RAD51B: variants seen among roughly 807,000 people sequenced by gnomAD.
RAD51B encodes DNA repair protein RAD51 homolog 2.
RAD51B carries 38 observed loss-of-function variants against 42.2 expected under a neutral mutation model. That is an observed-to-expected ratio of 0.90 (90% confidence interval 0.70 to 1.18). RAD51B has a LOEUF of 1.18. RAD51B is among the 50% of genes most tolerant of loss of function. The probability of loss-of-function intolerance (pLI) is 0.00; values close to 1 mark genes in which losing one functional copy is unlikely to be tolerated. For synonymous variants in RAD51B, 154 were observed against 145.2 expected (o/e 1.06, Z -0.43); for missense variants, 373 against 400.7 (o/e 0.93, Z 0.59).
chr14:67,863,002 G>C (rs188761730), intron 4 of RAD51B, among the ~76,000 whole-genome samples: 15 of 152,066 alleles, frequency 9.9e-5, no homozygotes, highest in African/African-American at 3.6e-4. Context: ...TGGTTTGTTG[G>C]GGTATGTGGT....
rs1408254518 is a variant in RAD51B at position 68,287,071 on chromosome 14, C to G, written c.757-4813C>G. The stretch of plus-strand genomic sequence containing the variant: ...TGACCAAAATGACATTGATTCCCAG[C>G]CTTCTGCCTTAGCAGTTCATCCCAT... On this transcript the variant is annotated intron_variant, in intron 7 of 10. Coordinates refer to ENST00000471583, the MANE Select transcript of RAD51B (RefSeq NM_133510.4). Among the ~76,000 whole-genome samples the G allele has an allele frequency of 2.6e-5, 4 of 152,188 alleles. No homozygotes were observed. The East Asian group carries it at 5.8e-4, about 22-fold the overall frequency.
intron 7 of RAD51B, among the ~76,000 whole-genome samples, chr14:68,221,121 C>T (rs1043340819): frequency 1.1e-4 from 17 of 152,122 alleles, no homozygotes; most frequent in African/African-American, 3.6e-4. Context: ...ACCATACTGC[C>T]AAAAGCCCTC....
At chr14:68,192,423 A>G (rs1031868647) in intron 7 of RAD51B, among the ~76,000 whole-genome samples, 6 of 152,150 alleles carry the variant, frequency 3.9e-5, no homozygotes, top group Non-Finnish European at 7.4e-5. Context: ...CTGAAAACAG[A>G]TTTTTCTATT....
intron 10 of RAD51B, among the ~76,000 whole-genome samples, chr14:68,638,024 A>T (rs1044033622): frequency 1.3e-5 from 2 of 152,244 alleles, no homozygotes; most frequent in African/African-American, 4.8e-5. Flanking sequence ...CTTCAGTCAC[A>T]GCTTTTCTCC....
chr14:67,926,784 G>A (rs758450061), intron 7 of RAD51B, among the ~76,000 whole-genome samples: 1 of 151,810 alleles, frequency 6.6e-6, no homozygotes, highest in Non-Finnish European at 1.5e-5. Context: ...GGCTGGTCTC[G>A]AACTCCCAAC....
At chr14:68,448,862 G>A (rs573541570) in intron 9 of RAD51B, among the ~76,000 whole-genome samples, 65 of 151,582 alleles carry the variant, frequency 4.3e-4, no homozygotes, top group Non-Finnish European at 5.0e-4. Context: ...ATTCTGAAAT[G>A]GAAAACAAAA....
At chr14:68,456,870 T>A (rs2085701873) in intron 9 of RAD51B, among the ~76,000 whole-genome samples, 1 of 4,872 alleles carries the variant, frequency 2.1e-4, no homozygotes, top group Non-Finnish European at 3.6e-4. Context: ...AATGGAATGA[T>A]TTTTTTTTTT....
chr14:68,422,130 C>G (rs1441706670), intron 9 of RAD51B: 32 of 1,425,940 alleles, frequency 2.2e-5, no homozygotes, highest in Non-Finnish European at 3.0e-5. Context: ...GCAAACAGCT[C>G]GAAGGAGACA....
intron 7 of RAD51B, among the ~76,000 whole-genome samples, chr14:67,984,134 T>A (rs1396337496): frequency 6.6e-6 from 1 of 152,108 alleles, no homozygotes; most frequent in Non-Finnish European, 1.5e-5. Context: ...AGACAGGGTT[T>A]CACCATCTTG....
chr14:68,421,688 C>G (rs2084704616), intron 9 of RAD51B: 1 of 1,569,052 alleles, frequency 6.4e-7, no homozygotes, highest in East Asian at 2.2e-5. Context: ...AGATAAAACA[C>G]AAGTCAAACT....
At chr14:68,297,591 G>A (rs1349962642) in intron 8 of RAD51B, among the ~76,000 whole-genome samples, 3 of 152,262 alleles carry the variant, frequency 2.0e-5, no homozygotes, top group East Asian at 1.9e-4. Context: ...ACGGGTATGA[G>A]TGGAGTAGTT....
At chr14:68,397,781 C>T (rs1434683086) in intron 8 of RAD51B, among the ~76,000 whole-genome samples, 1 of 152,222 alleles carries the variant, frequency 6.6e-6, no homozygotes, top group Non-Finnish European at 1.5e-5. Context: ...ATTGAAGGAA[C>T]TCTGCAGCCA....
intron 8 of RAD51B, among the ~76,000 whole-genome samples, chr14:68,396,690 A>C (rs2083933216): frequency 6.6e-6 from 1 of 152,230 alleles, no homozygotes; most frequent in South Asian, 2.1e-4. Flanking sequence ...AACCTGTCGT[A>C]TGACTAAGAG....
At chr14:68,611,017 G>T in exon 11 of RAD51B, 1 of 703,088 alleles carries the variant, frequency 1.4e-6, no homozygotes, top group South Asian at 1.5e-5. Context: ...TGTTAGAACT[G>T]TGGCCAGAGT....
intron 7 of RAD51B, among the ~76,000 whole-genome samples, chr14:68,174,570 T>C (rs2078929951): frequency 1.3e-5 from 2 of 152,096 alleles, no homozygotes; most frequent in South Asian, 4.1e-4. Flanking sequence ...ATAGGATACA[T>C]TGGAAATACT....
At chr14:68,676,353 A>T (rs1893302478) in intron 11 of RAD51B, among the ~76,000 whole-genome samples, 1 of 152,166 alleles carries the variant, frequency 6.6e-6, no homozygotes, top group Admixed American at 6.5e-5. Flanking sequence ...ACATTTGGGG[A>T]CACCAAGCAA....
At chr14:68,292,240 G>T (rs1202377430) in intron 8 of RAD51B, among the ~76,000 whole-genome samples, 1 of 152,192 alleles carries the variant, frequency 6.6e-6, no homozygotes, top group Non-Finnish European at 1.5e-5. Context: ...CTTAGTATGA[G>T]GGCTGATGAA....
At chr14:68,036,959 A>G (rs1030126007) in intron 7 of RAD51B, among the ~76,000 whole-genome samples, 4 of 149,164 alleles carry the variant, frequency 2.7e-5, no homozygotes, top group African/African-American at 9.9e-5. Flanking sequence ...TAGCTGTTTC[A>G]CTTTTTTTTT....
At chr14:68,672,945 A>G (rs11158757) in intron 11 of RAD51B, among the ~76,000 whole-genome samples, 45,408 of 152,084 alleles carry the variant, frequency 0.3, 6,906 homozygotes, top group Middle Eastern at 0.34. Flanking sequence ...CCTCATGCAT[A>G]GGAATTAAGT....
Sources: allele counts gnomAD v4.1 joint callset (sites outside exome capture counted in the v4.1 genomes callset), GRCh38; gene constraint gnomAD v4.1.1; transcripts MANE v1.5; gene names NCBI Gene and HGNC (gene_info 2026-07-23, HGNC 2026-07-21).